PIEZO2: variants seen among roughly 807,000 people sequenced by gnomAD.
The protein encoded by PIEZO2 is piezo type mechanosensitive ion channel component 2, also known as piezo-type mechanosensitive ion channel component 2.
A neutral mutation model predicts 337.3 loss-of-function variants in PIEZO2; 172 were observed. The ratio of observed to expected loss-of-function variants is 0.51; its 90% confidence interval spans 0.45 to 0.58. The LOEUF is 0.58. Among genes scored for constraint, PIEZO2 ranks in the 20% least tolerant of loss-of-function variants. PIEZO2 has a pLI of 0.00. For synonymous variants in PIEZO2, 1,251 were observed against 1,228.5 expected (o/e 1.02, Z -0.38); for missense variants, 3,028 against 3,391.3 (o/e 0.89, Z 2.66).
rs1186611871 is a variant in PIEZO2 at position 10,871,416 on chromosome 18, C to T, written c.330-1G>A. 5 of 1,530,304 alleles carry T rather than the reference C, an allele frequency of 3.3e-6. No individual in the cohort carries two copies. Among genetic ancestry groups the T allele is most frequent in the Non-Finnish European group, 4.4e-6 (5 of 1,143,776 alleles). 94.8% of individuals were successfully genotyped at this position (1,530,304 alleles called of 1,614,324 possible). On this transcript the variant is annotated splice_acceptor_variant, in intron 4 of 55. Transcript: ENST00000674853. LOFTEE classifies it high-confidence loss of function. ...ATTGCCAGCATCAGCTCCCTTTAAGCTATAAAGGAAAAACAAGGGGAGGGG... is the reference window on the plus strand; with the variant it reads ...ATTGCCAGCATCAGCTCCCTTTAAGTTATAAAGGAAAAACAAGGGGAGGGG...
At chr18:10,931,752 A>G (rs1362824060) in intron 3 of PIEZO2, among the ~76,000 whole-genome samples, 3 of 151,924 alleles carry the variant, frequency 2.0e-5, no homozygotes, top group Non-Finnish European at 2.9e-5. Context: ...GGGAAAGCTC[A>G]CAGACTGCAA....
intron 1 of PIEZO2, among the ~76,000 whole-genome samples, chr18:11,137,305 C>T (rs752023081): frequency 3.9e-5 from 6 of 152,062 alleles, no homozygotes; most frequent in Admixed American, 1.3e-4. Context: ...TATGTACATA[C>T]GATGGTTATT....
chr18:11,050,412 G>A (rs118070309), intron 2 of PIEZO2, among the ~76,000 whole-genome samples: 215 of 151,996 alleles, frequency 1.4e-3, no homozygotes, highest in East Asian at 0.014. Context: ...GTTACAGATC[G>A]CACTGCCTCT....
chr18:10,754,014 G>T (rs1227617705), intron 27 of PIEZO2, among the ~76,000 whole-genome samples: 1 of 152,162 alleles, frequency 6.6e-6, no homozygotes, highest in Non-Finnish European at 1.5e-5. Flanking sequence ...GAATTCAGTG[G>T]AATTGGGCTG....
intron 54 of PIEZO2, among the ~76,000 whole-genome samples, chr18:10,674,443 G>A (rs1017218364): frequency 2.0e-5 from 3 of 152,270 alleles, no homozygotes; most frequent in Non-Finnish European, 2.9e-5. Flanking sequence ...GGTGTGTGAT[G>A]TGGAGCCCGG....
rs2036021114 is a variant in PIEZO2 at position 10,716,618 on chromosome 18, C to T, written c.5090-802G>A. On this transcript the variant is annotated intron_variant, in intron 37 of 55. Transcript: ENST00000674853. The surrounding 1 kb of genome is among the most constrained non-coding windows in gnomAD (Gnocchi z 4.1). ...GAAGTGAGTCGCTGTGGCCGCTGAACAGGAGATGCCACGAGCACCTATGTT... is the reference window on the plus strand; with the variant it reads ...GAAGTGAGTCGCTGTGGCCGCTGAATAGGAGATGCCACGAGCACCTATGTT... 6.6e-6 allele frequency among the ~76,000 whole-genome samples: 1 copy of T among 151,588 alleles called. No homozygotes were observed. Among genetic ancestry groups the T allele is most frequent in the Non-Finnish European group, 1.5e-5 (1 of 68,026 alleles).
chr18:10,759,461 C>A lies in PIEZO2; in HGVS notation c.3757+21G>T. On this transcript the variant is annotated intron_variant, in intron 26 of 55. Coordinates refer to ENST00000674853, the MANE Select transcript of PIEZO2 (RefSeq NM_001378183.1). The surrounding 1 kb of genome is among the most constrained non-coding windows in gnomAD (Gnocchi z 5.5). ...AAACCCGGATACCAGCACTCTGTGG[C>A]CCTGCAGTGGAAACACTTACAGACG... 1 of 1,521,336 alleles carries A rather than the reference C, an allele frequency of 6.6e-7. No individual in the cohort carries two copies. The allele number at this position is 1,521,336 out of a possible 1,614,324, so 94.2% of individuals were successfully genotyped here.
In PIEZO2 at chr18:10,877,149, C is replaced by A. The variant is rs992655949; in HGVS notation, c.330-5734G>T. ...TAATTGTTGATGAGTCCACAAAATT[C>A]TGTTCTTCATTTATTTTTCTTCTCA... On this transcript the variant is annotated intron_variant, in intron 4 of 55. Coordinates refer to ENST00000674853, the MANE Select transcript of PIEZO2 (RefSeq NM_001378183.1). The surrounding 1 kb of genome is among the most constrained non-coding windows in gnomAD (Gnocchi z 5.3). 1.6e-4 allele frequency among the ~76,000 whole-genome samples: 24 copies of A among 152,164 alleles called. No individual in the cohort carries two copies. Among genetic ancestry groups the A allele is most frequent in the African/African-American group, 5.1e-4 (21 of 41,440 alleles).
chr18:10,831,153 G>A (rs1191187436), intron 7 of PIEZO2, among the ~76,000 whole-genome samples: 1 of 152,068 alleles, frequency 6.6e-6, no homozygotes, highest in Non-Finnish European at 1.5e-5. Context: ...GCTACCATAC[G>A]ATCCAGCAAT....
chr18:11,136,466 G>A lies in PIEZO2; in HGVS notation c.64+12059C>T, dbSNP rs553191802. ...GAGGATGGATTGCCAGAGGCTGTGT[G>A]CTATAGCAGCCTTGTCTGGCCTGCA... On this transcript the variant is annotated intron_variant, in intron 1 of 55. Transcript: ENST00000674853. Among the ~76,000 whole-genome samples the A allele has an allele frequency of 1.4e-3, 216 of 152,348 alleles. 1 individual carries two copies. The highest frequency in any genetic ancestry group is 4.6e-3 in the African/African-American group (190 of 41,590).
intron 7 of PIEZO2, among the ~76,000 whole-genome samples, chr18:10,838,862 T>A (rs1437893380): frequency 6.6e-6 from 1 of 152,110 alleles, no homozygotes; most frequent in Non-Finnish European, 1.5e-5. Context: ...AAGACGTAGC[T>A]CAACACGTAA....
At position 10,973,353 on chromosome 18, in the gene PIEZO2, A is replaced by C. The variant is rs1317477997; in HGVS notation, c.286+6182T>G. On this transcript the variant is annotated intron_variant, in intron 3 of 55. Coordinates refer to ENST00000674853, the MANE Select transcript of PIEZO2 (RefSeq NM_001378183.1). This position sits in a 1 kb window ranked among gnomAD's most constrained non-coding sequence, Gnocchi z 4.9. The stretch of plus-strand genomic sequence containing the variant: ...AAAGTTCTCTTTCAGCAATGCTTCC[A>C]TCCAGAATCTACTGATCATAAATGT... Among the ~76,000 whole-genome samples the C allele has an allele frequency of 3.3e-5, 5 of 152,188 alleles. No individual in the cohort carries two copies. Among genetic ancestry groups the C allele is most frequent in the African/African-American group, 1.2e-4 (5 of 41,458 alleles).
In PIEZO2 at chr18:11,109,916, G is replaced by T. The variant is rs977425792; in HGVS notation, c.64+38609C>A. 2.6e-5 allele frequency among the ~76,000 whole-genome samples: 4 copies of T among 152,142 alleles called. No individual in the cohort carries two copies. Among genetic ancestry groups the T allele is most frequent in the African/African-American group, 7.2e-5 (3 of 41,430 alleles). On this transcript the variant is annotated intron_variant, in intron 1 of 55. Transcript: ENST00000674853. This position sits in a 1 kb window ranked among gnomAD's most constrained non-coding sequence, Gnocchi z 5.1. Reference sequence around the variant, plus strand: ...TATAGTCATCTAAAGTGGAACGGAAGAATTTATTTTTTAATCAGAAGTCAG... The same window carrying T: ...TATAGTCATCTAAAGTGGAACGGAATAATTTATTTTTTAATCAGAAGTCAG...
rs1371993481 is a variant in PIEZO2, at chr18:10,780,353, TG to T, written c.2505del (p.Asn836MetfsTer6). ...EDNTIYSHAKVNGRVYLIINS... is the reference protein window; with the variant it reads ...EDNTIYSHAKXNGRVYLIINS... ...TTTATTATTAGATATACGCGACCAT[TG>T]ACTTTGGCATGGCTACGAGGTGGCA... On this transcript the variant is annotated frameshift_variant, in exon 18 of 56. Coordinates refer to ENST00000674853, the MANE Select transcript of PIEZO2 (RefSeq NM_001378183.1). LOFTEE classifies it high-confidence loss of function. 1 of 702,844 alleles carries T rather than the reference TG, an allele frequency of 1.4e-6. No individual in the cohort carries two copies. The highest frequency in any genetic ancestry group is 2.6e-6 in the Non-Finnish European group (1 of 384,998). 43.5% of individuals were successfully genotyped at this position (702,844 alleles called of 1,614,324 possible).
chr18:11,051,345 A>ATGTGTGTG (rs144159846), intron 2 of PIEZO2, among the ~76,000 whole-genome samples: 8,672 of 146,798 alleles, frequency 0.059, 329 homozygotes, highest in Non-Finnish European at 0.083. Flanking sequence ...ATCACTTAGG[A>ATGTGTGTG]TGTGTGTGTG....
intron 3 of PIEZO2, among the ~76,000 whole-genome samples, chr18:10,950,452 C>T (rs920101440): frequency 1.3e-5 from 2 of 152,186 alleles, no homozygotes; most frequent in African/African-American, 4.8e-5. Context: ...ACAAAATCTA[C>T]ACTCGCAAAA....
rs1476659728 is a variant in PIEZO2 at position 11,003,033 on chromosome 18, A to C, written c.161-23373T>G. ...TTGAATGACCAACATCCGTTGCATG[A>C]GGTCAAGGACAGCCTTAAGCACAAG... On this transcript the variant is annotated intron_variant, in intron 2 of 55. Transcript: ENST00000674853. The surrounding 1 kb of genome is among the most constrained non-coding windows in gnomAD (Gnocchi z 4.6). Among the ~76,000 whole-genome samples the C allele has an allele frequency of 1.3e-5, 2 of 152,216 alleles. No homozygotes were observed. Among genetic ancestry groups the C allele is most frequent in the Non-Finnish European group, 2.9e-5 (2 of 68,030 alleles).
In PIEZO2 at chr18:10,988,215, T is replaced by C. The variant is rs1296691835; in HGVS notation, c.161-8555A>G. On this transcript the variant is annotated intron_variant, in intron 2 of 55. Coordinates refer to ENST00000674853, the MANE Select transcript of PIEZO2 (RefSeq NM_001378183.1). This position sits in a 1 kb window ranked among gnomAD's most constrained non-coding sequence, Gnocchi z 4.8. ...CACAGTGTCCATCCCCTCTGGAGGA[T>C]GAAGCAACACAGTGCCATTTTGGAA... 6.6e-6 allele frequency among the ~76,000 whole-genome samples: 1 copy of C among 152,172 alleles called. No individual in the cohort carries two copies. Among genetic ancestry groups the C allele is most frequent in the African/African-American group, 2.4e-5 (1 of 41,444 alleles).
chr18:10,897,967 C>T (rs1475179805), intron 4 of PIEZO2, among the ~76,000 whole-genome samples: 1 of 152,206 alleles, frequency 6.6e-6, no homozygotes, highest in Non-Finnish European at 1.5e-5. Context: ...GGTGCAAGCT[C>T]CTCAAGTCCT....
Sources: gnomAD v4.1 joint callset for allele counts (sites outside exome capture counted in the v4.1 genomes callset) on GRCh38, gnomAD v4.1.1 for gene constraint, Gnocchi (gnomAD v3.1) non-coding constraint, MANE v1.5 for transcripts, NCBI Gene and HGNC (gene_info 2026-07-23, HGNC 2026-07-21) for gene names.